CEP55: variants seen among roughly 807,000 people sequenced by gnomAD.
The protein encoded by CEP55 is centrosomal protein of 55 kDa.
CEP55 carries 57 observed loss-of-function variants against 63.2 expected under a neutral mutation model. The ratio of observed to expected loss-of-function variants is 0.90; its 90% CI spans 0.73 to 1.13. CEP55 has a LOEUF of 1.13. Among genes scored for constraint, CEP55 ranks in the 50% most tolerant of loss-of-function variants. The pLI is 0.00. For synonymous variants in CEP55, 178 were observed against 191.6 expected, an observed-to-expected ratio of 0.93 and a Z score of 0.59; for missense variants, 456 against 518.9, an observed-to-expected ratio of 0.88 and a Z score of 1.18.
chr10:93,519,652 T>C (rs2057837745), intron 7 of CEP55, 30 bp from the exon 8 acceptor site: 2 of 1,612,060 alleles, frequency 1.2e-6, no homozygotes, highest in Non-Finnish European at 8.5e-7. Flanking sequence ...CTGTATCAGC[T>C]GTAATGGTCT....
chr10:93,524,530 T>G (rs993541660), intron 8 of CEP55, among the ~76,000 whole-genome samples: 2 of 152,182 alleles, frequency 1.3e-5, no homozygotes, highest in Admixed American at 1.3e-4. Flanking sequence ...GCTGATACCA[T>G]TCCTTCTGAA....
At chr10:93,516,795 C>T (rs777539743) in intron 5 of CEP55, 140 bp from the exon 6 acceptor site, 58 of 566,572 alleles carry the variant, frequency 1.0e-4, no homozygotes, top group Non-Finnish European at 1.1e-4. Context: ...CATCAAATAT[C>T]AACCATAGTC....
intron 4 of CEP55, among the ~76,000 whole-genome samples, chr10:93,507,293 G>A (rs1201996677): frequency 4.1e-5 from 6 of 147,570 alleles, no homozygotes; most frequent in Non-Finnish European, 8.9e-5. Context: ...GTGGCATCTT[G>A]GTTCACTGCA....
At position 93,528,803 on chromosome 10, in the gene CEP55, T is replaced by G. The variant is rs2057951293; in HGVS notation, c.*650T>G. The G allele has an allele frequency of 6.6e-6, 1 of 152,286 alleles. No individual in the cohort carries two copies. Among genetic ancestry groups the G allele is most frequent in the African/African-American group, 2.4e-5 (1 of 41,456 alleles). The allele number at this position is 152,286 out of a possible 1,614,324, so 9.4% of individuals were successfully genotyped here. ...ACACACAATGTTTTCTCTTATGTTATCTGGCAGTAACTGTAACTTGAATTA... is the reference window on the plus strand; with the variant it reads ...ACACACAATGTTTTCTCTTATGTTAGCTGGCAGTAACTGTAACTTGAATTA... On this transcript the variant is annotated 3_prime_UTR_variant, in exon 9 of 9. Transcript: ENST00000371485.
At chr10:93,501,233 C>CTA (rs2057632060) in intron 2 of CEP55, among the ~76,000 whole-genome samples, 1 of 152,148 alleles carries the variant, frequency 6.6e-6, no homozygotes, top group African/African-American at 2.4e-5. Flanking sequence ...CTCTGTTCAA[C>CTA]TATATTTCGG....
intron 8 of CEP55, among the ~76,000 whole-genome samples, chr10:93,520,849 T>C (rs1444717098): frequency 2.0e-5 from 3 of 152,226 alleles, no homozygotes; most frequent in Non-Finnish European, 2.9e-5. Context: ...TTTGGCTCTG[T>C]TCTTAAGTAT....
chr10:93,520,252 C>CCTGTCTCTA (rs148154436), intron 8 of CEP55: 2,520 of 165,362 alleles, frequency 0.015, 34 homozygotes, highest in Non-Finnish European at 0.025. Context: ...ATGGTGAAAC[C>CCTGTCTCTA]CTGTCTCTAC....
chr10:93,505,337 C>T (rs996937914), intron 3 of CEP55, among the ~76,000 whole-genome samples: 4 of 152,186 alleles, frequency 2.6e-5, no homozygotes, highest in African/African-American at 9.7e-5. Context: ...CTAGTGGCTC[C>T]ACCTTCCTTT....
At chr10:93,522,572 A>T (rs1233228047) in intron 8 of CEP55, among the ~76,000 whole-genome samples, 1 of 152,192 alleles carries the variant, frequency 6.6e-6, no homozygotes, top group Non-Finnish European at 1.5e-5. Flanking sequence ...ATTCAAATTC[A>T]GGAAATACAG....
At chr10:93,500,423 G>A (rs1487495294) in intron 2 of CEP55, among the ~76,000 whole-genome samples, 189 bp downstream of exon 2, 4 of 152,146 alleles carry the variant, frequency 2.6e-5, no homozygotes, top group African/African-American at 9.7e-5. Flanking sequence ...ATGTACTTTA[G>A]TCATTACTAA....
rs760563203 is a variant in CEP55 at position 93,528,162 on chromosome 10, GTATT to G, written c.*11_*14del. 18 of 1,605,476 alleles carry G rather than the reference GTATT, an allele frequency of 1.1e-5. No homozygotes were observed. In the African/African-American group the frequency reaches 2.1e-4, roughly 19 times the overall value. ...AATACTGTTCAAAGTAGCAAAATAA[GTATT>G]TGTTTTGATATTAAAAGATTCAATA... On this transcript the variant is annotated 3_prime_UTR_variant, in exon 9 of 9. Coordinates refer to ENST00000371485, the MANE Select transcript of CEP55 (RefSeq NM_018131.5).
chr10:93,514,918 A>G (rs1432443719), intron 4 of CEP55, among the ~76,000 whole-genome samples: 2 of 152,142 alleles, frequency 1.3e-5, no homozygotes, highest in African/African-American at 4.8e-5. Flanking sequence ...GATTACAGGC[A>G]CGCGCCACCA....
rs780613350 is a variant in CEP55 at position 93,518,927 on chromosome 10, G to A, written c.1044G>A (p.Arg348=). 1.2e-6 allele frequency: 2 copies of A among 1,612,798 alleles called. No homozygotes were observed. The highest frequency in any genetic ancestry group is 2.7e-5 in the African/African-American group (2 of 74,906). ...TAAAGCAGCAAGAAGAACAAACAAG[G>A]GTAGCTCTGTTGGAACAACAGGTAC... is the stretch of plus-strand genomic sequence containing the variant. ...SLLKQQEEQT[R]VALLEQQMQA... The change falls in exon 7 of 9, where the codon AGG becomes AGA. Residue 348 remains arginine (R), a synonymous_variant. Coordinates refer to ENST00000371485, the MANE Select transcript of CEP55 (RefSeq NM_018131.5).
At chr10:93,497,520 C>T (rs1336738354) in intron 1 of CEP55, among the ~76,000 whole-genome samples, 3 of 152,226 alleles carry the variant, frequency 2.0e-5, no homozygotes, top group African/African-American at 7.2e-5. Flanking sequence ...CCTGCCTCGG[C>T]CTTCCAGAGT....
At position 93,503,124 on chromosome 10, in the gene CEP55, C is replaced by T. The variant is rs770033814; in HGVS notation, c.195C>T (p.Val65=). ...ERHRLLEKIR[V]LEAEKEKNAY... ...TAGTTTATGTCTAGAAAATTCGAGT[C>T]CTTGAGGCTGAGAAGGAGAAGAATG... is the stretch of plus-strand genomic sequence containing the variant. Residue 65 remains valine (V), a synonymous_variant, in exon 3 of 9, where the codon GTC becomes GTT. Transcript: ENST00000371485. 8 of 1,612,682 alleles carry T rather than the reference C, an allele frequency of 5.0e-6. No individual in the cohort carries two copies. Among genetic ancestry groups the T allele is most frequent in the Admixed American group, 3.3e-5 (2 of 59,880 alleles).
intron 2 of CEP55, among the ~76,000 whole-genome samples, chr10:93,502,835 C>T (rs561321109): frequency 3.9e-5 from 6 of 152,310 alleles, no homozygotes; most frequent in African/African-American, 1.4e-4. Flanking sequence ...CTTTTTCTCA[C>T]CACCCTTGAT....
chr10:93,525,136 G>C (rs1471280167), intron 8 of CEP55, among the ~76,000 whole-genome samples: 1 of 152,122 alleles, frequency 6.6e-6, no homozygotes, highest in South Asian at 2.1e-4. Flanking sequence ...ATTAAGAAAA[G>C]AGGAAGTCAA....
intron 5 of CEP55, among the ~76,000 whole-genome samples, chr10:93,516,702 A>G (rs907783695): frequency 2.6e-5 from 4 of 152,216 alleles, no homozygotes; most frequent in Middle Eastern, 3.4e-3. Context: ...TTCCCTCCCA[A>G]CAGAATAGAT....
At chr10:93,514,166 C>G (rs1237291338) in intron 4 of CEP55, among the ~76,000 whole-genome samples, 1 of 152,076 alleles carries the variant, frequency 6.6e-6, no homozygotes, top group African/African-American at 2.4e-5. Context: ...CTCCTGGCCT[C>G]AAGTAATCCG....
Sources: gnomAD v4.1 joint callset for allele counts (sites outside exome capture counted in the v4.1 genomes callset) on GRCh38, gnomAD v4.1.1 for gene constraint, MANE v1.5 for transcripts, NCBI Gene and HGNC (gene_info 2026-07-23, HGNC 2026-07-21) for gene names.